The following STK3 variants were observed in gnomAD, a reference collection of about 807,000 sequenced individuals.
STK3 encodes the protein serine/threonine-protein kinase 3.
A neutral mutation model predicts 58.0 loss-of-function variants in STK3; 41 were observed. The observed-to-expected ratio is 0.71, with a 90% CI of 0.55 to 0.92. STK3 has a LOEUF of 0.92. Among genes scored for constraint, STK3 ranks in the 40% least tolerant of loss-of-function variants. The pLI is 0.00. For missense variants in STK3, 479 were observed against 602.7 expected (o/e 0.79, Z 2.15); for synonymous variants, 170 against 191.0 (o/e 0.89, Z 0.91).
chr8:98,633,844 T>C, intron 6 of STK3: 1 of 429,384 alleles, frequency 2.3e-6, no homozygotes. Context: ...GATCCCAAAC[T>C]TGAAGTCATC....
upstream of STK3, among the ~76,000 whole-genome samples, chr8:98,829,665 C>T (rs2131778195): frequency 6.6e-6 from 1 of 152,306 alleles, no homozygotes; most frequent in East Asian, 1.9e-4. Context: ...GTGTTCTAAT[C>T]CAGGCCTTTA....
chr8:98,756,248 C>G (rs1458578251), intron 3 of STK3, among the ~76,000 whole-genome samples: 3 of 152,092 alleles, frequency 2.0e-5, no homozygotes, highest in South Asian at 4.1e-4. Flanking sequence ...TTAGGACTCT[C>G]CAAGGGAATA....
At chr8:98,366,538 G>T (rs984597456), downstream of STK3, among the ~76,000 whole-genome samples, 1 of 152,194 alleles carries the variant, frequency 6.6e-6, no homozygotes, top group African/African-American at 2.4e-5. Flanking sequence ...GTGTGAGGTA[G>T]GGATCTAATG....
At chr8:98,592,284 C>A (rs907201162) in intron 7 of STK3, among the ~76,000 whole-genome samples, 15 of 152,174 alleles carry the variant, frequency 9.9e-5, no homozygotes, top group African/African-American at 3.4e-4. Flanking sequence ...CTAAGCAGAT[C>A]TTACTGTGTT....
chr8:98,655,654 C>T (rs909328157), intron 6 of STK3, among the ~76,000 whole-genome samples: 34 of 151,642 alleles, frequency 2.2e-4, no homozygotes, highest in Admixed American at 1.8e-3. Context: ...AAACAAACAA[C>T]CCCATCAAAA....
intron 10 of STK3, among the ~76,000 whole-genome samples, chr8:98,479,695 C>A (rs1158310131): frequency 6.6e-6 from 1 of 152,122 alleles, no homozygotes; most frequent in Non-Finnish European, 1.5e-5. Context: ...GGGATGTAAT[C>A]CAAAATTACT....
intron 3 of STK3, among the ~76,000 whole-genome samples, chr8:98,860,378 A>G (rs1836885438): frequency 6.6e-6 from 1 of 152,206 alleles, no homozygotes; most frequent in African/African-American, 2.4e-5. Flanking sequence ...AAGACGCCCA[A>G]GAAGAGCTTT....
chr8:98,925,368 CT>C (rs1422553222), intron 1 of STK3, among the ~76,000 whole-genome samples: 5 of 152,200 alleles, frequency 3.3e-5, no homozygotes, highest in Non-Finnish European at 5.9e-5. Flanking sequence ...TACTGAAAAT[CT>C]AAAGAGAGAT....
the STK3 span, among the ~76,000 whole-genome samples, chr8:98,358,710 G>C: frequency 6.6e-6 from 1 of 152,098 alleles, no homozygotes; most frequent in Non-Finnish European, 1.5e-5. Flanking sequence ...AGGGGAATGA[G>C]GGGGGAGTGA....
At chr8:98,486,731 A>C (rs1822295196) in intron 10 of STK3, among the ~76,000 whole-genome samples, 1 of 152,208 alleles carries the variant, frequency 6.6e-6, no homozygotes, top group Non-Finnish European at 1.5e-5. Context: ...ACAATACTTG[A>C]AAGAAAGCCA....
intron 3 of STK3, among the ~76,000 whole-genome samples, chr8:98,396,261 T>C (rs1817896388): frequency 6.6e-6 from 1 of 152,246 alleles, no homozygotes; most frequent in Non-Finnish European, 1.5e-5. Context: ...TTTGGGAAGA[T>C]GTTTTACATA....
At chr8:98,799,119 G>A (rs184650636) in intron 1 of STK3, among the ~76,000 whole-genome samples, 23 of 152,214 alleles carry the variant, frequency 1.5e-4, no homozygotes, top group Admixed American at 1.4e-3. Context: ...ACAGACTTAA[G>A]ACATCTATCA....
intron 3 of STK3, chr8:98,429,359 G>T: frequency 6.2e-7 from 1 of 1,614,058 alleles, no homozygotes; most frequent in South Asian, 1.1e-5. Flanking sequence ...CAAGCCTGAC[G>T]AACATGAGCA....
intron 10 of STK3, among the ~76,000 whole-genome samples, chr8:98,495,099 G>A (rs1039544449): frequency 2.0e-5 from 3 of 152,138 alleles, no homozygotes; most frequent in Non-Finnish European, 2.9e-5. Context: ...GACTAAGCAC[G>A]GAGGAAACAG....
intron 1 of STK3, chr8:98,905,728 C>T (rs890304242): frequency 2.7e-5 from 15 of 563,876 alleles, no homozygotes; most frequent in African/African-American, 2.5e-4. Context: ...AGAGAGAACC[C>T]TACAAAATCG....
intron 3 of STK3, among the ~76,000 whole-genome samples, chr8:98,870,141 A>G (rs1837315732): frequency 6.6e-6 from 1 of 152,188 alleles, no homozygotes; most frequent in Admixed American, 6.5e-5. Flanking sequence ...GATGGTTTCT[A>G]GCTTCATCTA....
chr8:98,938,521 A>T (rs1407225383), intron 1 of STK3, among the ~76,000 whole-genome samples: 6 of 152,204 alleles, frequency 3.9e-5, no homozygotes, highest in Non-Finnish European at 7.4e-5. Context: ...TGCTGGATGC[A>T]CTTGAAGGTG....
intron 4 of STK3, among the ~76,000 whole-genome samples, chr8:98,739,652 G>A (rs1828998271): frequency 1.3e-5 from 2 of 148,670 alleles, no homozygotes; most frequent in South Asian, 4.3e-4. Flanking sequence ...GGAAAAAACA[G>A]AGCAGAAAAA....
intron 3 of STK3, among the ~76,000 whole-genome samples, chr8:98,846,447 A>C (rs1394014196): frequency 1.3e-5 from 2 of 152,196 alleles, no homozygotes; most frequent in Non-Finnish European, 2.9e-5. Context: ...ACATTTATTA[A>C]GCAACTACTA....
Sources: gnomAD v4.1 joint callset for allele counts (sites outside exome capture counted in the v4.1 genomes callset) on GRCh38, gnomAD v4.1.1 for gene constraint, MANE v1.5 for transcripts, NCBI Gene and HGNC (gene_info 2026-07-23, HGNC 2026-07-21) for gene names.